The following MXRA7 variants were observed in gnomAD, a reference collection of about 807,000 sequenced individuals.
MXRA7 encodes the protein matrix remodeling associated 7.
MXRA7 carries 18 observed loss-of-function variants against 17.4 expected under a neutral mutation model. That is an observed-to-expected ratio of 1.03 (90% CI 0.71 to 1.53). The LOEUF is 1.53. Ranked by LOEUF, MXRA7 falls within the 40% of genes most tolerant of loss-of-function variation. The pLI, the probability that MXRA7 is intolerant of heterozygous loss-of-function variation, is 0.00. For missense variants in MXRA7, 141 were observed against 209.3 expected, an observed-to-expected ratio of 0.67 and a Z score of 2.01; for synonymous variants, 70 against 101.7, an observed-to-expected ratio of 0.69 and a Z score of 1.87.
At position 76,688,019 on chromosome 17, in the gene MXRA7, C is replaced by T. The variant is rs938326302; in HGVS notation, c.406+94G>A. 24 of 1,027,784 alleles carry T rather than the reference C, an allele frequency of 2.3e-5. 1 individual carries two copies. Among genetic ancestry groups the T allele is most frequent in the Non-Finnish European group, 2.5e-5 (17 of 672,976 alleles). 63.7% of individuals were successfully genotyped at this position (1,027,784 alleles called of 1,614,324 possible). On this transcript the variant is annotated intron_variant, in intron 2 of 3. Coordinates refer to ENST00000449428, the MANE Select transcript of MXRA7 (RefSeq NM_198530.4). ...CACTGTCCCACCCCATCCCTCCCCT[C>T]GGCACTCGAACCCCAGCTCCTGTGA...
rs117107059 is a variant in MXRA7 at position 76,707,641 on chromosome 17, C to T, written c.342+2964G>A. On this transcript the variant is annotated intron_variant, in intron 1 of 3. Coordinates refer to ENST00000449428, the MANE Select transcript of MXRA7 (RefSeq NM_198530.4). ...ATGAGCAGAGCTAGGCCCCAAGTAC[C>T]GAGATACTTGAGTCCTGGCACAGAC... is the stretch of plus-strand genomic sequence containing the variant. Among the ~76,000 whole-genome samples the T allele has an allele frequency of 5.5e-4, 84 of 152,192 alleles. 2 individuals are homozygous for T. In the East Asian group the frequency reaches 0.014, roughly 26 times the overall value.
downstream of MXRA7, chr17:76,676,741 G>T (rs1396649880): frequency 6.6e-6 from 1 of 151,904 alleles, no homozygotes; most frequent in African/African-American, 2.4e-5. Flanking sequence ...GTCTCAAAAA[G>T]AAAAAGAAAA....
chr17:76,683,817 A>G (rs895361267), intron 3 of MXRA7: 2 of 1,565,292 alleles, frequency 1.3e-6, no homozygotes, highest in Admixed American at 1.7e-5. Context: ...GAAGGGGAGC[A>G]CCACTAGTCT....
Position 76,680,454 on chromosome 17 carries a change from T to C in MXRA7, c.*413A>G. The C allele has an allele frequency of 1.0e-6, 1 of 991,046 alleles. No individual in the cohort carries two copies. The highest frequency in any genetic ancestry group is 1.2e-6 in the Non-Finnish European group (1 of 833,740). The allele number at this position is 991,046 out of a possible 1,614,324, so 61.4% of individuals were successfully genotyped here. A position where few individuals can be genotyped will look rare whatever the true frequency, so the allele number is the denominator to read the frequency against. The stretch of plus-strand genomic sequence containing the variant: ...TTGTCTCTCATTCCTCAAAGTCTTC[T>C]GTGGTTTGGCTTCAGTGAGGGCAAA... On this transcript the variant is annotated 3_prime_UTR_variant, in exon 4 of 4. Transcript: ENST00000449428.
In MXRA7 at chr17:76,706,360, TCA is replaced by T. The variant is rs1370262693; in HGVS notation, c.342+4243_342+4244del. ...GCCATCACAGAGGCCCACTCTGCCA[TCA>T]CAGAGGCCCACGCTGCCGTCACAGA... On this transcript the variant is annotated intron_variant, in intron 1 of 3. Coordinates refer to ENST00000449428, the MANE Select transcript of MXRA7 (RefSeq NM_198530.4). Among the ~76,000 whole-genome samples the T allele has an allele frequency of 6.4e-3, 828 of 128,758 alleles. 71 individuals are homozygous for T. Among genetic ancestry groups the T allele is most frequent in the African/African-American group, 0.023 (766 of 33,822 alleles). The allele number at this position is 128,758 out of a possible 152,430, so 84.5% of individuals were successfully genotyped here.
exon 4 of MXRA7, chr17:76,673,072 G>A (rs1398163278): frequency 1.3e-5 from 2 of 152,210 alleles, no homozygotes; most frequent in African/African-American, 4.8e-5. Context: ...CCAAAAAGAC[G>A]TCTCTTTGGG....
intron 1 of MXRA7, among the ~76,000 whole-genome samples, chr17:76,698,138 C>A (rs931503274): frequency 6.6e-6 from 1 of 152,142 alleles, no homozygotes; most frequent in Non-Finnish European, 1.5e-5. Flanking sequence ...TAGAGGACAG[C>A]GGCTCCAGGA....
At chr17:76,677,749 T>C (rs2076252972), downstream of MXRA7, 2 of 1,404,288 alleles carry the variant, frequency 1.4e-6, no homozygotes, top group Non-Finnish European at 2.0e-6. Context: ...CCTAGCCCAC[T>C]GGGGAGAGAG....
exon 4 of MXRA7, chr17:76,673,620 G>C (rs1039192326): frequency 1.3e-5 from 2 of 152,108 alleles, no homozygotes; most frequent in Non-Finnish European, 2.9e-5. Context: ...GTACAGGCAG[G>C]TCCTTAGGAC....
At chr17:76,701,040 G>A (rs1567987882) in intron 1 of MXRA7, among the ~76,000 whole-genome samples, 1 of 152,096 alleles carries the variant, frequency 6.6e-6, no homozygotes, top group Non-Finnish European at 1.5e-5. Flanking sequence ...TCCTGGACCT[G>A]GGGCTGTGGG....
At chr17:76,701,084 G>A (rs1248554612) in intron 1 of MXRA7, among the ~76,000 whole-genome samples, 1 of 152,148 alleles carries the variant, frequency 6.6e-6, no homozygotes, top group Admixed American at 6.5e-5. Context: ...GCTGTGAGCA[G>A]GGGCCGGGGG....
At chr17:76,687,875 A>G (rs1337514728) in intron 2 of MXRA7, among the ~76,000 whole-genome samples, 2 of 152,128 alleles carry the variant, frequency 1.3e-5, no homozygotes, top group Non-Finnish European at 2.9e-5. Context: ...TGTTCCCAAG[A>G]GGGGCCCCGG....
intron 1 of MXRA7, among the ~76,000 whole-genome samples, chr17:76,707,892 G>A (rs1027293778): frequency 3.9e-5 from 6 of 152,192 alleles, no homozygotes; most frequent in East Asian, 3.9e-4. Context: ...GATTCTTTGC[G>A]TGAACAGGCC....
At chr17:76,703,045 G>T (rs929633529) in intron 1 of MXRA7, among the ~76,000 whole-genome samples, 1 of 150,768 alleles carries the variant, frequency 6.6e-6, no homozygotes, top group Non-Finnish European at 1.5e-5. Context: ...CCAGGAGGTG[G>T]AGGTTGCAGT....
chr17:76,695,324 C>T (rs1480688523), intron 1 of MXRA7, among the ~76,000 whole-genome samples: 1 of 151,102 alleles, frequency 6.6e-6, no homozygotes, highest in Admixed American at 6.6e-5. Flanking sequence ...GACACAAACC[C>T]TTCTGCAAGG....
intron 1 of MXRA7, among the ~76,000 whole-genome samples, chr17:76,700,246 A>G (rs559623216): frequency 1.3e-5 from 2 of 152,268 alleles, no homozygotes; most frequent in East Asian, 3.9e-4. Context: ...TGCTGGGATT[A>G]CAGGCGTGAG....
Position 76,697,171 on chromosome 17 carries a change from G to A in MXRA7, c.343-8995C>T, listed in dbSNP as rs141735787. On this transcript the variant is annotated intron_variant, in intron 1 of 3. Coordinates refer to ENST00000449428, the MANE Select transcript of MXRA7 (RefSeq NM_198530.4). ...AGTTAAAATGAAGCCATTAGGGTGG[G>A]CCCTAACCCAAGGACTGCTGTCCTT... Among the ~76,000 whole-genome samples the A allele has an allele frequency of 5.0e-3, 760 of 152,254 alleles. 12 individuals carry two copies. Among genetic ancestry groups the A allele is most frequent in the African/African-American group, 0.018 (731 of 41,532 alleles).
chr17:76,696,833 C>A (rs1230568623), intron 1 of MXRA7, among the ~76,000 whole-genome samples: 3 of 152,210 alleles, frequency 2.0e-5, no homozygotes, highest in African/African-American at 7.2e-5. Flanking sequence ...CACCATCAGG[C>A]AGCTGTGCCA....
chr17:76,685,385 C>T (rs1190347568), intron 2 of MXRA7, among the ~76,000 whole-genome samples: 1 of 152,218 alleles, frequency 6.6e-6, no homozygotes, highest in Non-Finnish European at 1.5e-5. Flanking sequence ...TACTCCTAGT[C>T]CACAGCTGTC....
Sources: allele counts gnomAD v4.1 joint callset (sites outside exome capture counted in the v4.1 genomes callset), GRCh38; gene constraint gnomAD v4.1.1; transcripts MANE v1.5; gene names NCBI Gene and HGNC (gene_info 2026-07-23, HGNC 2026-07-21).